ENOX1: variants seen among roughly 807,000 people sequenced by gnomAD.
ENOX1 encodes the protein ecto-NOX disulfide-thiol exchanger 1, also known as candidate growth-related and time keeping constitutive hydroquinone (NADH) oxidase.
In ENOX1, 42 loss-of-function variants were observed where a neutral mutation model predicts 82.5. The observed-to-expected ratio is 0.51, with a 90% confidence interval of 0.40 to 0.66. The LOEUF is 0.66. Among genes scored for constraint, ENOX1 ranks in the 30% least tolerant of loss-of-function variants. The probability of loss-of-function intolerance (pLI) is 0.00; values close to 1 mark genes in which losing one functional copy is unlikely to be tolerated. For synonymous variants in ENOX1, 271 were observed against 282.2 expected, an observed-to-expected ratio of 0.96 and a Z score of 0.40; for missense variants, 608 against 811.6, an observed-to-expected ratio of 0.75 and a Z score of 3.05.
At chr13:43,634,222 C>T (rs975297426) in intron 2 of ENOX1, among the ~76,000 whole-genome samples, 1 of 152,136 alleles carries the variant, frequency 6.6e-6, no homozygotes, top group Admixed American at 6.5e-5. Flanking sequence ...AAGTTTTCAT[C>T]CTGGACTAAC....
At chr13:43,641,011 C>A (rs553578981) in intron 2 of ENOX1, among the ~76,000 whole-genome samples, 4 of 152,174 alleles carry the variant, frequency 2.6e-5, no homozygotes, top group East Asian at 1.9e-4. Flanking sequence ...GAACATTGAT[C>A]CTGCCTTGGA....
At chr13:43,652,164 G>A (rs1312041318) in intron 2 of ENOX1, among the ~76,000 whole-genome samples, 1 of 151,984 alleles carries the variant, frequency 6.6e-6, no homozygotes, top group African/African-American at 2.4e-5. Context: ...ACTATCTACA[G>A]GTCACTTTTT....
chr13:43,538,197 T>C (rs931526406), intron 2 of ENOX1, among the ~76,000 whole-genome samples: 5 of 152,244 alleles, frequency 3.3e-5, no homozygotes, highest in African/African-American at 1.2e-4. Flanking sequence ...CATCATGATA[T>C]ATTTAATCCT....
rs187058203 is a variant in ENOX1, at chr13:43,575,835, A to C, written c.-219+91644T>G. Among the ~76,000 whole-genome samples, 454 of 152,350 alleles carry C rather than the reference A, an allele frequency of 3.0e-3. 2 individuals carry two copies. Among genetic ancestry groups the C allele is most frequent in the African/African-American group, 0.011 (440 of 41,590 alleles). ...AGTCAACCAACACAAGTGGCCTGAC[A>C]GTCATGATGGTGACAAGGGATGATG... On this transcript the variant is annotated intron_variant, in intron 2 of 16. Transcript: ENST00000690772.
intron 7 of ENOX1, 79 bp downstream of exon 7, chr13:43,359,772 G>A: frequency 7.4e-7 from 1 of 1,353,740 alleles, no homozygotes; most frequent in Non-Finnish European, 1.0e-6. Context: ...TTTGCATGAA[G>A]GCCAAAGGGA....
intron 1 of ENOX1, among the ~76,000 whole-genome samples, chr13:43,730,737 A>G (rs2089290938): frequency 6.6e-6 from 1 of 152,112 alleles, no homozygotes. Context: ...CACTGTCATG[A>G]CGCACACTCT....
At chr13:43,649,384 C>G (rs924800178) in intron 2 of ENOX1, among the ~76,000 whole-genome samples, 1 of 152,174 alleles carries the variant, frequency 6.6e-6, no homozygotes, top group African/African-American at 2.4e-5. Flanking sequence ...AGATGCCTTA[C>G]TGTGTGAGAA....
intron 2 of ENOX1, among the ~76,000 whole-genome samples, chr13:43,606,725 G>A (rs909420502): frequency 6.6e-6 from 1 of 152,058 alleles, no homozygotes; most frequent in African/African-American, 2.4e-5. Flanking sequence ...ATAAGATCTA[G>A]TATTTGATGG....
chr13:43,379,604 T>C (rs2051888755), intron 5 of ENOX1, among the ~76,000 whole-genome samples: 1 of 151,910 alleles, frequency 6.6e-6, no homozygotes, highest in South Asian at 2.1e-4. Context: ...AGAAAAGCAA[T>C]AGAAACTATT....
intron 1 of ENOX1, among the ~76,000 whole-genome samples, chr13:43,776,362 C>A (rs1951919470): frequency 6.6e-6 from 1 of 152,102 alleles, no homozygotes; most frequent in Admixed American, 6.5e-5. Context: ...GAAGAATCAG[C>A]AAAGGGACAG....
At chr13:43,382,784 A>G (rs938083710) in intron 5 of ENOX1, among the ~76,000 whole-genome samples, 5 of 152,180 alleles carry the variant, frequency 3.3e-5, no homozygotes, top group Non-Finnish European at 7.4e-5. Context: ...AATTTATTGT[A>G]TGTCAATTCA....
At chr13:43,694,017 C>A (rs2086506574) in intron 1 of ENOX1, among the ~76,000 whole-genome samples, 1 of 152,124 alleles carries the variant, frequency 6.6e-6, no homozygotes, top group Non-Finnish European at 1.5e-5. Flanking sequence ...TTTATAGTGA[C>A]CTTTTAATGT....
intron 2 of ENOX1, among the ~76,000 whole-genome samples, chr13:43,652,048 A>C (rs1464687839): frequency 2.0e-5 from 3 of 151,942 alleles, no homozygotes; most frequent in Admixed American, 1.3e-4. Flanking sequence ...GAAGGCCTCT[A>C]TAAGCCTATA....
intron 2 of ENOX1, among the ~76,000 whole-genome samples, chr13:43,503,388 C>T (rs546484756): frequency 2.7e-4 from 41 of 151,714 alleles, no homozygotes; most frequent in South Asian, 1.0e-3. Context: ...AAATACAATC[C>T]TAAAACGTAT....
chr13:43,286,837 G>A (rs771763354), intron 12 of ENOX1, among the ~76,000 whole-genome samples: 1 of 152,292 alleles, frequency 6.6e-6, no homozygotes, highest in Non-Finnish European at 1.5e-5. Flanking sequence ...CTAATGCAAA[G>A]ACCAAATTAG....
Position 43,754,051 on chromosome 13 carries a change from T to TATATACGTATATAAATACAC in ENOX1, c.-285+32600_-285+32601insGTGTATTTATATACGTATAT, listed in dbSNP as rs71099849. On this transcript the variant is annotated intron_variant, in intron 1 of 16. Transcript: ENST00000690772. ...ACATATATATGTATATAAATACACA[T>TATATACGTATATAAATACAC]ATATATACATATATACGTATATAAA... is the stretch of plus-strand genomic sequence containing the variant. 1.7e-5 allele frequency among the ~76,000 whole-genome samples: 2 copies of TATATACGTATATAAATACAC among 117,750 alleles called. 1 individual carries two copies. Among genetic ancestry groups the TATATACGTATATAAATACAC allele is most frequent in the Non-Finnish European group, 3.3e-5 (2 of 59,832 alleles). The allele number at this position is 117,750 out of a possible 152,430, so 77.2% of individuals were successfully genotyped here. A position where few individuals can be genotyped will look rare whatever the true frequency, so the allele number is the denominator to read the frequency against.
chr13:43,564,174 T>C (rs2079814424), intron 2 of ENOX1, among the ~76,000 whole-genome samples: 1 of 152,078 alleles, frequency 6.6e-6, no homozygotes, highest in African/African-American at 2.4e-5. Flanking sequence ...ATGAAAACTA[T>C]AAATCATTAA....
intron 2 of ENOX1, among the ~76,000 whole-genome samples, chr13:43,630,511 G>A (rs1257496886): frequency 1.3e-5 from 2 of 152,034 alleles, no homozygotes; most frequent in Non-Finnish European, 2.9e-5. Context: ...GTCCCCAGAA[G>A]GGTTTTTGTT....
intron 1 of ENOX1, among the ~76,000 whole-genome samples, chr13:43,757,131 A>C (rs1299930377): frequency 6.6e-6 from 1 of 152,178 alleles, no homozygotes; most frequent in African/African-American, 2.4e-5. Flanking sequence ...GTTATGAAAG[A>C]TAAAAATGTA....
Sources: allele counts gnomAD v4.1 joint callset (sites outside exome capture counted in the v4.1 genomes callset), GRCh38; gene constraint gnomAD v4.1.1; transcripts MANE v1.5; gene names NCBI Gene and HGNC (gene_info 2026-07-23, HGNC 2026-07-21).